Variants in FSTL5 observed in about 807,000 individuals in gnomAD.
The protein encoded by FSTL5 is follistatin-related protein 5.
FSTL5 carries 62 observed loss-of-function variants against 89.1 expected under a neutral mutation model. The observed-to-expected ratio is 0.70, with a 90% CI of 0.57 to 0.86. FSTL5 has a LOEUF of 0.86. Ranked by LOEUF, FSTL5 falls within the 40% of genes least tolerant of loss-of-function variation. The probability of loss-of-function intolerance (pLI) is 0.00; values close to 1 mark genes in which losing one functional copy is unlikely to be tolerated. For missense variants in FSTL5, 1,057 were observed against 1,001.6 expected (o/e 1.06, Z -0.75); for synonymous variants, 383 against 346.2 (o/e 1.11, Z -1.18).
chr4:162,024,209 A>G (rs1248495634), intron 3 of FSTL5, among the ~76,000 whole-genome samples: 3 of 152,194 alleles, frequency 2.0e-5, no homozygotes, highest in Non-Finnish European at 4.4e-5. Flanking sequence ...ATACTTGCAT[A>G]TGTAAAAATA....
chr4:161,895,019 C>A (rs576070043), intron 4 of FSTL5, among the ~76,000 whole-genome samples: 2 of 152,304 alleles, frequency 1.3e-5, no homozygotes, highest in South Asian at 4.1e-4. Context: ...TTGGGAGTTA[C>A]ATTCTTTAGA....
At chr4:161,593,753 G>A (rs1408826461) in intron 7 of FSTL5, among the ~76,000 whole-genome samples, 1 of 152,056 alleles carries the variant, frequency 6.6e-6, no homozygotes, top group Non-Finnish European at 1.5e-5. Flanking sequence ...TTGTCATGGT[G>A]CCACTCTCAC....
At chr4:161,908,473 T>C (rs145760879) in intron 4 of FSTL5, among the ~76,000 whole-genome samples, 136 of 152,212 alleles carry the variant, frequency 8.9e-4, no homozygotes, top group Non-Finnish European at 1.1e-3. Context: ...AATTGTTTCT[T>C]TCAATTAATT....
intron 1 of FSTL5, among the ~76,000 whole-genome samples, chr4:162,119,065 T>C (rs1209446410): frequency 6.6e-6 from 1 of 151,976 alleles, no homozygotes; most frequent in Non-Finnish European, 1.5e-5. Context: ...CTAAAAAATA[T>C]ATTAAAATTA....
chr4:162,033,896 T>C (rs1279730008), intron 2 of FSTL5, among the ~76,000 whole-genome samples: 3 of 152,174 alleles, frequency 2.0e-5, no homozygotes, highest in Admixed American at 1.3e-4. Flanking sequence ...CCTCGCAGAC[T>C]CAAGTGATCC....
At chr4:161,695,823 C>T (rs1738140511) in intron 6 of FSTL5, among the ~76,000 whole-genome samples, 1 of 151,270 alleles carries the variant, frequency 6.6e-6, no homozygotes, top group Admixed American at 6.6e-5. Flanking sequence ...TTTTTCTTGT[C>T]GATTTGTTTG....
intron 10 of FSTL5, among the ~76,000 whole-genome samples, chr4:161,514,109 A>C (rs960136559): frequency 6.6e-6 from 1 of 152,160 alleles, no homozygotes; most frequent in African/African-American, 2.4e-5. Context: ...TATAATATAA[A>C]TTCTCTTAGT....
intron 6 of FSTL5, among the ~76,000 whole-genome samples, chr4:161,754,528 A>G (rs775274051): frequency 2.6e-5 from 4 of 152,168 alleles, no homozygotes; most frequent in Non-Finnish European, 4.4e-5. Context: ...AAGGTTTAGT[A>G]CTACAGTCAA....
At chr4:161,889,397 C>T (rs747997274) in intron 4 of FSTL5, among the ~76,000 whole-genome samples, 13 of 152,074 alleles carry the variant, frequency 8.5e-5, no homozygotes, top group Non-Finnish European at 1.6e-4. Flanking sequence ...AATCCCAGAA[C>T]TTCTGGAGGC....
At chr4:161,792,138 TCTG>T (rs1729498562) in intron 4 of FSTL5, among the ~76,000 whole-genome samples, 1 of 152,168 alleles carries the variant, frequency 6.6e-6, no homozygotes, top group Admixed American at 6.5e-5. Context: ...ACTCCTGGTG[TCTG>T]CTCTGGTTTT....
chr4:161,495,047 G>A (rs1413745826), intron 12 of FSTL5: 1 of 152,230 alleles, frequency 6.6e-6, no homozygotes, highest in African/African-American at 2.4e-5. Flanking sequence ...GGGCGAATGA[G>A]TGAGATCCTG....
chr4:161,499,806 A>C (rs1730231182), intron 12 of FSTL5, among the ~76,000 whole-genome samples: 1 of 151,340 alleles, frequency 6.6e-6, no homozygotes, highest in African/African-American at 2.4e-5. Flanking sequence ...AGGAATACAT[A>C]ATATATTAGC....
chr4:161,452,978 C>A (rs1405439210), intron 15 of FSTL5, among the ~76,000 whole-genome samples: 1 of 152,172 alleles, frequency 6.6e-6, no homozygotes, highest in Non-Finnish European at 1.5e-5. Flanking sequence ...CCAACTCCAG[C>A]TCTGAGGTAA....
chr4:161,699,499 T>C (rs1738300287), intron 6 of FSTL5, among the ~76,000 whole-genome samples: 1 of 152,164 alleles, frequency 6.6e-6, no homozygotes, highest in South Asian at 2.1e-4. Flanking sequence ...GTTTAAGAAG[T>C]AGCAGCTTGT....
chr4:161,705,203 T>C (rs1738528848), intron 6 of FSTL5, among the ~76,000 whole-genome samples: 1 of 152,098 alleles, frequency 6.6e-6, no homozygotes, highest in Non-Finnish European at 1.5e-5. Flanking sequence ...CATATACATT[T>C]ATGTATTTAG....
At position 161,529,476 on chromosome 4, in the gene FSTL5, G is replaced by A. The variant is rs1001865620; in HGVS notation, c.1312+8690C>T. On this transcript the variant is annotated intron_variant, in intron 10 of 15. Transcript: ENST00000306100. The stretch of plus-strand genomic sequence containing the variant: ...ATGCTTATCAAGCATGGTTAACTTC[G>A]ACATGACTCTTCATCTTAAGACATT... Among the ~76,000 whole-genome samples the A allele has an allele frequency of 9.2e-5, 13 of 141,736 alleles. 1 individual carries two copies. Among genetic ancestry groups the A allele is most frequent in the Admixed American group, 3.1e-4 (4 of 13,054 alleles). 93.0% of individuals were successfully genotyped at this position (141,736 alleles called of 152,430 possible).
chr4:161,787,736 A>T (rs971623633), intron 4 of FSTL5, among the ~76,000 whole-genome samples: 2 of 152,162 alleles, frequency 1.3e-5, no homozygotes, highest in Admixed American at 1.3e-4. Context: ...ACATACATAG[A>T]ACAAAATCTG....
chr4:161,554,317 C>T (rs1422261416), intron 8 of FSTL5, among the ~76,000 whole-genome samples: 2 of 151,484 alleles, frequency 1.3e-5, no homozygotes, highest in African/African-American at 2.4e-5. Flanking sequence ...CAGTACTTCT[C>T]TCTACATTAG....
intron 8 of FSTL5, among the ~76,000 whole-genome samples, chr4:161,563,575 T>C (rs1009348023): frequency 2.0e-5 from 3 of 151,962 alleles, no homozygotes; most frequent in African/African-American, 7.2e-5. Context: ...TTATTTCTGC[T>C]TTTGTCAATC....
Sources: gnomAD v4.1 joint callset for allele counts (sites outside exome capture counted in the v4.1 genomes callset) on GRCh38, gnomAD v4.1.1 for gene constraint, MANE v1.5 for transcripts, NCBI Gene and HGNC (gene_info 2026-07-23, HGNC 2026-07-21) for gene names.